TTBK2: variants seen among roughly 807,000 people sequenced by gnomAD.
TTBK2 encodes the protein tau tubulin kinase 2.
In TTBK2, 28 loss-of-function variants were observed where a neutral mutation model predicts 110.8. The observed-to-expected ratio is 0.25, with a 90% CI of 0.19 to 0.35. TTBK2 has a LOEUF of 0.35. Among genes scored for constraint, TTBK2 ranks in the 10% least tolerant of loss-of-function variants. The probability of loss-of-function intolerance (pLI) is 1.00; values close to 1 mark genes in which losing one functional copy is unlikely to be tolerated. For missense variants in TTBK2, 1,369 were observed against 1,500.3 expected, an observed-to-expected ratio of 0.91 and a Z score of 1.45; for synonymous variants, 532 against 527.3, an observed-to-expected ratio of 1.01 and a Z score of -0.12.
At chr15:42,860,640 CTTT>C (rs796405914) in intron 3 of TTBK2, among the ~76,000 whole-genome samples, 1 of 102,124 alleles carries the variant, frequency 9.8e-6, no homozygotes, top group Non-Finnish European at 1.9e-5. Context: ...GGTATTCTTT[CTTT>C]TTTTTTTTTT....
chr15:42,781,259 C>A (rs1890166001), intron 11 of TTBK2, among the ~76,000 whole-genome samples: 1 of 151,770 alleles, frequency 6.6e-6, no homozygotes, highest in Non-Finnish European at 1.5e-5. Context: ...AACTTTTAAT[C>A]ACCTGGCAGA....
At chr15:42,792,295 T>G (rs994418368) in intron 10 of TTBK2, among the ~76,000 whole-genome samples, 8 of 152,198 alleles carry the variant, frequency 5.3e-5, no homozygotes, top group African/African-American at 1.9e-4. Context: ...AAATATTGCA[T>G]GTATCCCATA....
chr15:42,813,021 T>C (rs1891788315), intron 7 of TTBK2, among the ~76,000 whole-genome samples: 6 of 151,786 alleles, frequency 4.0e-5, no homozygotes. Flanking sequence ...GAAAGTCTAA[T>C]GTATCAATTT....
intron 1 of TTBK2, among the ~76,000 whole-genome samples, chr15:42,919,213 T>C (rs568927777): frequency 2.6e-5 from 4 of 152,318 alleles, no homozygotes; most frequent in African/African-American, 9.6e-5. Context: ...GAAACATTTT[T>C]TGACTTCAGA....
At chr15:42,760,789 A>G (rs1037256907) in intron 13 of TTBK2, among the ~76,000 whole-genome samples, 1 of 152,220 alleles carries the variant, frequency 6.6e-6, no homozygotes, top group Non-Finnish European at 1.5e-5. Flanking sequence ...TACAGATTCA[A>G]TGCAATCCCT....
intron 2 of TTBK2, 96 bp from the exon 3 acceptor site, chr15:42,872,854 T>C: frequency 7.0e-7 from 1 of 1,422,396 alleles, no homozygotes; most frequent in East Asian, 2.5e-5. Flanking sequence ...TATAATTTTA[T>C]AATCTGTTTT....
Position 42,752,589 on chromosome 15 carries a change from C to T in TTBK2, c.2657G>A (p.Ser886Asn), listed in dbSNP as rs776320989. The T allele has an allele frequency of 6.2e-7, 1 of 1,614,104 alleles. No homozygotes were observed. Among genetic ancestry groups the T allele is most frequent in the African/African-American group, 1.3e-5 (1 of 74,946 alleles). The part of the protein sequence containing the change: ...NKISKDDDIM[S>N]EDLPGHQGDL... ...TCCTTGATGACCTGGCAAGTCTTCA[C>T]TCATGATGTCATCATCCTTAGATAT... Residue 886 changes from serine to asparagine, a missense_variant, in exon 14 of 15, where the codon AGT becomes AAT. Coordinates refer to ENST00000267890, the MANE Select transcript of TTBK2 (RefSeq NM_173500.4).
rs1292801144 is a variant in TTBK2 at position 42,741,917 on chromosome 15, CT to C, written c.*3877del. On this transcript the variant is annotated 3_prime_UTR_variant, in exon 15 of 15. Coordinates refer to ENST00000267890, the MANE Select transcript of TTBK2 (RefSeq NM_173500.4). ...AAGCATCTGTTTTTAATTCAAAGCTCTGGGTATAGAAAAACTAATTATGGTT... is the reference window on the plus strand; with the variant it reads ...AAGCATCTGTTTTTAATTCAAAGCTCGGGTATAGAAAAACTAATTATGGTT... 3 of 152,132 alleles carry C rather than the reference CT, an allele frequency of 2.0e-5. No individual in the cohort carries two copies. The highest frequency in any genetic ancestry group is 4.4e-5 in the Non-Finnish European group (3 of 68,038). The allele number at this position is 152,132 out of a possible 1,614,324, so 9.4% of individuals were successfully genotyped here.
chr15:42,828,444 G>A (rs1358565407), intron 5 of TTBK2, among the ~76,000 whole-genome samples: 2 of 151,140 alleles, frequency 1.3e-5, no homozygotes, highest in Non-Finnish European at 2.9e-5. Flanking sequence ...AGCCAGGTGC[G>A]GTGACTCACG....
At position 42,745,692 on chromosome 15, in the gene TTBK2, G is replaced by A; in HGVS notation, c.*103C>T. ...TTGATCATGTTACTTTCTTTTGCAA[G>A]AGAAGATCAACACTGATTTTTTTAC... On this transcript the variant is annotated 3_prime_UTR_variant, in exon 15 of 15. Transcript: ENST00000267890. The A allele has an allele frequency of 1.5e-6, 2 of 1,361,328 alleles. No individual in the cohort carries two copies. The highest frequency in any genetic ancestry group is 2.1e-6 in the Non-Finnish European group (2 of 953,172). 84.3% of individuals were successfully genotyped at this position (1,361,328 alleles called of 1,614,324 possible).
intron 1 of TTBK2, among the ~76,000 whole-genome samples, chr15:42,896,369 T>C (rs1335671108): frequency 6.6e-6 from 1 of 152,058 alleles, no homozygotes; most frequent in Admixed American, 6.6e-5. Context: ...ACAGAAAAGA[T>C]AGTCTTCTCA....
chr15:42,827,259 A>G (rs1307058960), intron 6 of TTBK2, among the ~76,000 whole-genome samples: 1 of 152,200 alleles, frequency 6.6e-6, no homozygotes, highest in African/African-American at 2.4e-5. Context: ...AGATTTCACT[A>G]AAATGATCCT....
rs1288588153 is a variant in TTBK2, at chr15:42,743,135, A to G, written c.*2660T>C. ...TATAATTAGTCTGTTTTCTTTAGAAAGTATCAGAGCAGAAACGTCTTTGGT... is the reference window on the plus strand; with the variant it reads ...TATAATTAGTCTGTTTTCTTTAGAAGGTATCAGAGCAGAAACGTCTTTGGT... On this transcript the variant is annotated 3_prime_UTR_variant, in exon 15 of 15. Transcript: ENST00000267890. 6.6e-6 allele frequency: 1 copy of G among 152,264 alleles called. No individual in the cohort carries two copies. The highest frequency in any genetic ancestry group is 2.4e-5 in the African/African-American group (1 of 41,480). 9.4% of individuals were successfully genotyped at this position (152,264 alleles called of 1,614,324 possible).
At chr15:42,835,655 A>G (rs1892956069) in intron 4 of TTBK2, among the ~76,000 whole-genome samples, 1 of 152,096 alleles carries the variant, frequency 6.6e-6, no homozygotes, top group South Asian at 2.1e-4. Context: ...TATTAAAGAG[A>G]TGGACGATCA....
intron 4 of TTBK2, among the ~76,000 whole-genome samples, chr15:42,835,278 AAGAC>A (rs1892942238): frequency 1.3e-5 from 2 of 152,180 alleles, no homozygotes; most frequent in Non-Finnish European, 2.9e-5. Flanking sequence ...ACCTCACTGA[AAGAC>A]AGACAACCAG....
chr15:42,748,493 T>G (rs2061824776), intron 14 of TTBK2, among the ~76,000 whole-genome samples: 1 of 152,000 alleles, frequency 6.6e-6, no homozygotes, highest in African/African-American at 2.4e-5. Context: ...TAGAATGTTT[T>G]GACATGAAGA....
chr15:42,786,374 A>G (rs753794895), intron 10 of TTBK2, among the ~76,000 whole-genome samples: 20 of 152,228 alleles, frequency 1.3e-4, no homozygotes, highest in Non-Finnish European at 2.4e-4. Flanking sequence ...CATGTACTAC[A>G]TGGTAATCCA....
At chr15:42,867,319 T>C (rs1425535968) in intron 3 of TTBK2, among the ~76,000 whole-genome samples, 2 of 149,706 alleles carry the variant, frequency 1.3e-5, no homozygotes, top group Non-Finnish European at 3.0e-5. Flanking sequence ...TTTAGGAAAC[T>C]AGAAAACAGA....
chr15:42,797,106 C>T (rs1202311564), intron 9 of TTBK2, among the ~76,000 whole-genome samples: 1 of 152,176 alleles, frequency 6.6e-6, no homozygotes, highest in Non-Finnish European at 1.5e-5. Flanking sequence ...ACCCTCTCTC[C>T]TAACTCTGAA....
Sources: allele counts gnomAD v4.1 joint callset (sites outside exome capture counted in the v4.1 genomes callset), GRCh38; gene constraint gnomAD v4.1.1; transcripts MANE v1.5; gene names NCBI Gene and HGNC (gene_info 2026-07-23, HGNC 2026-07-21).